CREBBP: variants seen among roughly 807,000 people sequenced by gnomAD.
CREBBP encodes the protein CREB-binding protein.
CREBBP carries 19 observed loss-of-function variants against 265.0 expected under a neutral mutation model. The observed-to-expected ratio is 0.07, with a 90% CI of 0.05 to 0.11. The LOEUF (loss-of-function observed/expected upper bound fraction) is 0.11. Among genes scored for constraint, CREBBP ranks in the 10% least tolerant of loss-of-function variants. The pLI is 1.00. For missense variants in CREBBP, 2,525 were observed against 3,219.0 expected (o/e 0.78, Z 5.22); for synonymous variants, 1,457 against 1,223.7 (o/e 1.19, Z -3.98).
rs187254427 is a variant in CREBBP at position 3,759,630 on chromosome 16, C to A, written c.3251-658G>T. ...TTCATTGGAAGGGACCTTAAAAGATCCTCTGAGTAAAGTTTTTTATCCTTG... is the reference window on the plus strand; with the variant it reads ...TTCATTGGAAGGGACCTTAAAAGATACTCTGAGTAAAGTTTTTTATCCTTG... On this transcript the variant is annotated intron_variant, in intron 16 of 30. Coordinates refer to ENST00000262367, the MANE Select transcript of CREBBP (RefSeq NM_004380.3). 1.3e-4 allele frequency among the ~76,000 whole-genome samples: 20 copies of A among 148,776 alleles called. No individual in the cohort carries two copies. The East Asian group carries it at 3.4e-3, about 25-fold the overall frequency.
chr16:3,847,789 G>GT (rs773414837), intron 2 of CREBBP, among the ~76,000 whole-genome samples: 1 of 152,174 alleles, frequency 6.6e-6, no homozygotes, highest in Non-Finnish European at 1.5e-5. Flanking sequence ...TCAGTAAATT[G>GT]TAAGGATCCC....
At chr16:3,743,328 T>C (rs1038905698) in intron 23 of CREBBP, 3 of 152,244 alleles carry the variant, frequency 2.0e-5, no homozygotes, top group Non-Finnish European at 4.4e-5. Flanking sequence ...CAATAGTTTA[T>C]CAATGAGTGA....
rs1444185434 is a variant in CREBBP, at chr16:3,729,030, T to C, written c.6017A>G (p.Asn2006Ser). ...APVSLNVPRP[N>S]QVSGPVMPSM... is the part of the protein sequence containing the mutation. ...GGGCATGACGGGCCCGCTCACCTGG[T>C]TGGGTCGGGGCACATTCAGGCTCAC... Residue 2006 changes from asparagine to serine, a missense_variant, in exon 31 of 31, where the codon AAC (asparagine) becomes AGC (serine). By Grantham distance (46) the Asn-to-Ser change is conservative. Around this residue, in one of 19 missense-constraint regions of CREBBP, gnomAD observed 275 missense variants for 276.5 expected, o/e 0.99. Coordinates refer to ENST00000262367, the MANE Select transcript of CREBBP (RefSeq NM_004380.3). 1.3e-6 allele frequency: 2 copies of C among 1,589,670 alleles called. No individual in the cohort carries two copies. Among genetic ancestry groups the C allele is most frequent in the East Asian group, 2.3e-5 (1 of 44,076 alleles).
intron 3 of CREBBP, among the ~76,000 whole-genome samples, chr16:3,795,395 T>C (rs552170041): frequency 1.3e-5 from 2 of 152,338 alleles, no homozygotes; most frequent in South Asian, 4.1e-4. Flanking sequence ...TTCTTTTTTC[T>C]ATATAAATGT....
chr16:3,865,925 C>G (rs867185137), intron 1 of CREBBP, among the ~76,000 whole-genome samples: 1 of 152,116 alleles, frequency 6.6e-6, no homozygotes. Flanking sequence ...GTGAGCCCAC[C>G]GCGCCCGGCC....
chr16:3,813,582 GAAC>G (rs376060698), intron 2 of CREBBP, among the ~76,000 whole-genome samples: 35 of 152,098 alleles, frequency 2.3e-4, no homozygotes, highest in Non-Finnish European at 4.0e-4. Flanking sequence ...ACAACAACAC[GAAC>G]AACAACAAAA....
chr16:3,787,407 TA>T (rs2053412004), intron 5 of CREBBP, among the ~76,000 whole-genome samples: 1 of 152,088 alleles, frequency 6.6e-6, no homozygotes, highest in South Asian at 2.1e-4. Context: ...CTTTGGTGCT[TA>T]AGTCAGGGTC....
In CREBBP at chr16:3,851,073, G is replaced by A. The variant is rs1055271384; in HGVS notation, c.86-64C>T. ...ACCTTTACAGCTCTCCAACTGCCACGTTTCTATGATCTTAACCTAATGGGG... is the reference window on the plus strand; with the variant it reads ...ACCTTTACAGCTCTCCAACTGCCACATTTCTATGATCTTAACCTAATGGGG... On this transcript the variant is annotated intron_variant, in intron 1 of 30. Coordinates refer to ENST00000262367, the MANE Select transcript of CREBBP (RefSeq NM_004380.3). 25 of 1,389,842 alleles carry A rather than the reference G, an allele frequency of 1.8e-5. No individual in the cohort carries two copies. The Admixed American group carries it at 2.0e-4, about 11-fold the overall frequency. 86.1% of individuals were successfully genotyped at this position (1,389,842 alleles called of 1,614,324 possible). A position where few individuals can be genotyped will look rare whatever the true frequency, so the allele number is the denominator to read the frequency against.
At chr16:3,747,506 T>C (rs913762229) in intron 21 of CREBBP, among the ~76,000 whole-genome samples, 3 of 152,172 alleles carry the variant, frequency 2.0e-5, no homozygotes, top group African/African-American at 7.2e-5. Flanking sequence ...GCAGGGTCCC[T>C]TCTGTCTGGG....
chr16:3,793,376 C>T lies in CREBBP; in HGVS notation c.1216+10G>A, dbSNP rs2141285085. 1.2e-6 allele frequency: 2 copies of T among 1,613,892 alleles called. No individual in the cohort carries two copies. Among genetic ancestry groups the T allele is most frequent in the Non-Finnish European group, 1.7e-6 (2 of 1,179,964 alleles). ...CCTCTACCACTAGGAGTTCCAAAAA[C>T]AGCACTTACCTTGGCAGGCTTTCCC... is the stretch of plus-strand genomic sequence containing the variant. On this transcript the variant is annotated intron_variant, in intron 4 of 30. Transcript: ENST00000262367.
chr16:3,793,607 A>G lies in CREBBP; in HGVS notation c.995T>C (p.Val332Ala), dbSNP rs2053548956. The change falls in exon 4 of 31, where the codon GTG (valine) becomes GCG (alanine). Residue 332 changes from valine to alanine, a missense_variant. Physicochemically the swap from Val to Ala is moderately conservative, Grantham distance 64. Coordinates refer to ENST00000262367, the MANE Select transcript of CREBBP (RefSeq NM_004380.3). Reference sequence around the variant, plus strand: ...AATTGCTTGTGTGGGTACAATTCCCACTGATGTTTGCATCTGAGACTAAAA... The same window carrying G: ...AATTGCTTGTGTGGGTACAATTCCCGCTGATGTTTGCATCTGAGACTAAAA... ...VPNMSQMQTS[V>A]GIVPTQAIAT... 6.2e-7 allele frequency: 1 copy of G among 1,613,314 alleles called. No individual in the cohort carries two copies. Among genetic ancestry groups the G allele is most frequent in the Non-Finnish European group, 8.5e-7 (1 of 1,180,022 alleles).
chr16:3,857,656 CA>C (rs2141529959), intron 1 of CREBBP, among the ~76,000 whole-genome samples: 1 of 152,314 alleles, frequency 6.6e-6, no homozygotes, highest in South Asian at 2.1e-4. Flanking sequence ...TGACCGTTAC[CA>C]GGGGGCCCGG....
chr16:3,824,045 C>T (rs1209232386), intron 2 of CREBBP, among the ~76,000 whole-genome samples: 2 of 152,110 alleles, frequency 1.3e-5, no homozygotes, highest in Non-Finnish European at 2.9e-5. Flanking sequence ...AGGTACTGTG[C>T]AGTGGTGACA....
intron 8 of CREBBP, among the ~76,000 whole-genome samples, chr16:3,780,303 G>C (rs1002377226): frequency 6.6e-6 from 1 of 151,596 alleles, no homozygotes; most frequent in African/African-American, 2.4e-5. Context: ...TAACTGTAAG[G>C]TGATAATGAC....
chr16:3,750,891 T>C (rs1418612274), intron 20 of CREBBP, among the ~76,000 whole-genome samples: 1 of 152,222 alleles, frequency 6.6e-6, no homozygotes, highest in Non-Finnish European at 1.5e-5. Flanking sequence ...AACTCATTTT[T>C]TGCTACTGCC....
At chr16:3,762,433 G>A (rs1298424072) in intron 16 of CREBBP, among the ~76,000 whole-genome samples, 2 of 139,852 alleles carry the variant, frequency 1.4e-5, no homozygotes, top group South Asian at 2.2e-4. Context: ...GTGCAATCTC[G>A]GCCCCCAAAG....
At chr16:3,821,548 A>G (rs1224662530) in intron 2 of CREBBP, among the ~76,000 whole-genome samples, 1 of 152,222 alleles carries the variant, frequency 6.6e-6, no homozygotes, top group East Asian at 1.9e-4. Flanking sequence ...AAGGGAGATA[A>G]AATTTGAAGG....
chr16:3,777,265 G>A (rs2053164829), intron 11 of CREBBP, among the ~76,000 whole-genome samples: 1 of 151,878 alleles, frequency 6.6e-6, no homozygotes. Flanking sequence ...AACCCAGGAG[G>A]CGGAGCTTGC....
intron 3 of CREBBP, among the ~76,000 whole-genome samples, chr16:3,801,265 C>A (rs2053707011): frequency 1.3e-5 from 2 of 152,214 alleles, no homozygotes; most frequent in Admixed American, 1.3e-4. Context: ...TGGTGAACAA[C>A]AGGACCAAAG....
Sources: gnomAD v4.1 joint callset for allele counts (sites outside exome capture counted in the v4.1 genomes callset) on GRCh38, gnomAD v4.1.1 for gene constraint, gnomAD v4.1.1 regional missense constraint, MANE v1.5 for transcripts, NCBI Gene and HGNC (gene_info 2026-07-23, HGNC 2026-07-21) for gene names.